The following PEX14 variants were observed in gnomAD, a reference collection of about 807,000 sequenced individuals.
PEX14 encodes the protein peroxisomal biogenesis factor 14.
PEX14 carries 15 observed loss-of-function variants against 49.5 expected under a neutral mutation model. The observed-to-expected ratio is 0.30, with a 90% CI of 0.20 to 0.47. The LOEUF is 0.47. Among genes scored for constraint, PEX14 ranks in the 20% least tolerant of loss-of-function variants. The pLI is 1.00. For missense variants in PEX14, 398 were observed against 494.8 expected (o/e 0.80, Z 1.86); for synonymous variants, 210 against 212.7 (o/e 0.99, Z 0.11).
chr1:10,605,394 G>A (rs1009135848), intron 4 of PEX14, among the ~76,000 whole-genome samples: 4 of 152,184 alleles, frequency 2.6e-5, no homozygotes, highest in South Asian at 4.1e-4. Context: ...ACCATCCCAC[G>A]TCACCTTGCA....
chr1:10,573,401 G>T (rs971630749), intron 3 of PEX14, among the ~76,000 whole-genome samples: 1 of 152,070 alleles, frequency 6.6e-6, no homozygotes, highest in Non-Finnish European at 1.5e-5. Context: ...GGGCAGCATA[G>T]TAAGATCCCG....
rs543005332 is a variant in PEX14, at chr1:10,555,966, C to G, written c.169+19669C>G. ...AAAGCCGAATGATCCTGGAGCATGT[C>G]CTTGGCGCAGGCACTGCTGGACAAA... On this transcript the variant is annotated intron_variant, in intron 3 of 8. Coordinates refer to ENST00000356607, the MANE Select transcript of PEX14 (RefSeq NM_004565.3). Among the ~76,000 whole-genome samples, 170 of 152,054 alleles carry G rather than the reference C, an allele frequency of 1.1e-3. 2 individuals are homozygous for G. The highest frequency in any genetic ancestry group is 4.6e-3 in the South Asian group (22 of 4,820).
intron 3 of PEX14, among the ~76,000 whole-genome samples, chr1:10,580,170 A>G (rs535611629): frequency 3.3e-5 from 5 of 152,182 alleles, no homozygotes; most frequent in Non-Finnish European, 7.3e-5. Flanking sequence ...TTTATATGTA[A>G]TGAACATTTT....
chr1:10,618,728 G>A (rs1019722283), intron 5 of PEX14, among the ~76,000 whole-genome samples: 4 of 152,190 alleles, frequency 2.6e-5, no homozygotes, highest in Non-Finnish European at 5.9e-5. Context: ...GTGCCCGCAC[G>A]GGGAAGCCGT....
intron 4 of PEX14, among the ~76,000 whole-genome samples, chr1:10,617,989 G>T (rs1163090565): frequency 6.6e-6 from 1 of 152,158 alleles, no homozygotes; most frequent in African/African-American, 2.4e-5. Context: ...ATCCTCTCTG[G>T]ATCTTTTGTT....
At chr1:10,598,462 T>C (rs1366044390) in intron 3 of PEX14, among the ~76,000 whole-genome samples, 1 of 152,228 alleles carries the variant, frequency 6.6e-6, no homozygotes, top group African/African-American at 2.4e-5. Context: ...CCTTTTATTC[T>C]TCTGTGGGCA....
chr1:10,519,351 A>T (rs915651086), intron 2 of PEX14, among the ~76,000 whole-genome samples: 3 of 152,108 alleles, frequency 2.0e-5, no homozygotes, highest in African/African-American at 7.2e-5. Flanking sequence ...GCTTTGGGAA[A>T]AGCAAACAGA....
intron 3 of PEX14, among the ~76,000 whole-genome samples, chr1:10,567,534 C>T (rs1352697069): frequency 6.6e-6 from 1 of 152,082 alleles, no homozygotes; most frequent in African/African-American, 2.4e-5. Flanking sequence ...TGCTGTGTCA[C>T]CCAGATTGGA....
At chr1:10,550,689 A>T (rs1639309311) in intron 3 of PEX14, among the ~76,000 whole-genome samples, 1 of 152,222 alleles carries the variant, frequency 6.6e-6, no homozygotes, top group African/African-American at 2.4e-5. Context: ...TCATTTCCTC[A>T]AAAAGTGTAA....
rs912763730 is a variant in PEX14, at chr1:10,513,761, A to G, written c.84+18440A>G. On this transcript the variant is annotated intron_variant, in intron 2 of 8. Coordinates refer to ENST00000356607, the MANE Select transcript of PEX14 (RefSeq NM_004565.3). Reference sequence around the variant, plus strand: ...AGGGTTTATTTTAGCTGGCTGCTATATTGATTGCTATAGGGACGTTTCTAT... The same window carrying G: ...AGGGTTTATTTTAGCTGGCTGCTATGTTGATTGCTATAGGGACGTTTCTAT... Among the ~76,000 whole-genome samples the G allele has an allele frequency of 2.6e-5, 4 of 152,274 alleles. 1 individual carries two copies. The highest frequency in any genetic ancestry group is 1.3e-4 in the Admixed American group (2 of 15,302).
At chr1:10,618,509 C>A in intron 5 of PEX14, 92 bp downstream of exon 5, 1 of 970,044 alleles carries the variant, frequency 1.0e-6, no homozygotes, top group Non-Finnish European at 1.6e-6. Context: ...GGAGGCACTG[C>A]CGTGCTCTGC....
At chr1:10,625,481 G>T (rs1382173808) in intron 7 of PEX14, among the ~76,000 whole-genome samples, 1 of 152,252 alleles carries the variant, frequency 6.6e-6, no homozygotes, top group Non-Finnish European at 1.5e-5. Context: ...CCATGAAAAT[G>T]ACAATCTTTC....
intron 3 of PEX14, among the ~76,000 whole-genome samples, chr1:10,552,719 T>C (rs544708290): frequency 1.1e-4 from 17 of 152,310 alleles, no homozygotes; most frequent in African/African-American, 3.6e-4. Context: ...GTGTGGGTGA[T>C]AAAATATTAT....
intron 2 of PEX14, among the ~76,000 whole-genome samples, chr1:10,510,717 G>C (rs1641867408): frequency 6.6e-6 from 1 of 152,186 alleles, no homozygotes; most frequent in Non-Finnish European, 1.5e-5. Context: ...TGTGGAATGA[G>C]TGAGTGTGTG....
Position 10,599,351 on chromosome 1 carries a change from A to G in PEX14, c.283A>G (p.Ile95Val). 6.2e-7 allele frequency: 1 copy of G among 1,614,106 alleles called. No individual in the cohort carries two copies. Among genetic ancestry groups the G allele is most frequent in the Non-Finnish European group, 8.5e-7 (1 of 1,179,996 alleles). ...GGTTCCTGTCCAGCCCCCTCACCTC[A>G]TATCTCAGCCATACAGTAAGTCACC... ...QVVPVQPPHL[I>V]SQPYSPAGSR... The change falls in exon 4 of 9, where the codon ATA (isoleucine) becomes GTA (valine). Residue 95 changes from isoleucine to valine, a missense_variant. Ile to Val is a conservative substitution (Grantham distance 29). Coordinates refer to ENST00000356607, the MANE Select transcript of PEX14 (RefSeq NM_004565.3).
intron 3 of PEX14, among the ~76,000 whole-genome samples, chr1:10,548,010 G>A (rs906036866): frequency 6.6e-6 from 1 of 152,186 alleles, no homozygotes; most frequent in Admixed American, 6.5e-5. Context: ...GAGGTCAGGA[G>A]TTCGTGACCG....
chr1:10,496,368 A>G (rs1641560848), intron 2 of PEX14, among the ~76,000 whole-genome samples: 1 of 151,966 alleles, frequency 6.6e-6, no homozygotes, highest in Non-Finnish European at 1.5e-5. Flanking sequence ...CTCTTTTGGT[A>G]TTGCCCAGTT....
At chr1:10,542,589 G>T (rs1318325862) in intron 3 of PEX14, among the ~76,000 whole-genome samples, 2 of 152,086 alleles carry the variant, frequency 1.3e-5, no homozygotes, top group African/African-American at 2.4e-5. Flanking sequence ...GTGAAACCCC[G>T]TCTCTACTAA....
chr1:10,622,215 C>A (rs1445949307), intron 5 of PEX14, among the ~76,000 whole-genome samples: 1 of 152,216 alleles, frequency 6.6e-6, no homozygotes, highest in Non-Finnish European at 1.5e-5. Flanking sequence ...TTCGGGCATC[C>A]CTGGTTCTAG....
Sources: gnomAD v4.1 joint callset for allele counts (sites outside exome capture counted in the v4.1 genomes callset) on GRCh38, gnomAD v4.1.1 for gene constraint, MANE v1.5 for transcripts, NCBI Gene and HGNC (gene_info 2026-07-23, HGNC 2026-07-21) for gene names.